Variants in AUTS2 observed in about 807,000 individuals in gnomAD.
AUTS2 encodes the protein autism susceptibility gene 2 protein.
Under a neutral mutation model 112.4 loss-of-function variants are expected in AUTS2, and 17 were observed. The ratio of observed to expected loss-of-function variants is 0.15; its 90% CI spans 0.10 to 0.23. The LOEUF (loss-of-function observed/expected upper bound fraction) is 0.23, where lower values mean the gene tolerates loss of function less well. Among genes scored for constraint, AUTS2 ranks in the 10% least tolerant of loss-of-function variants. AUTS2 has a pLI of 1.00. For synonymous variants in AUTS2, 751 were observed against 702.7 expected, an observed-to-expected ratio of 1.07 and a Z score of -1.09; for missense variants, 1,510 against 1,701.6, an observed-to-expected ratio of 0.89 and a Z score of 1.98.
At chr7:69,964,650 T>C (rs1443734777) in intron 2 of AUTS2, among the ~76,000 whole-genome samples, 1 of 151,982 alleles carries the variant, frequency 6.6e-6, no homozygotes, top group Non-Finnish European at 1.5e-5. Flanking sequence ...CTTTTTGGAA[T>C]CTTTCATTAC....
At chr7:69,923,344 G>A (rs763510457) in intron 2 of AUTS2, among the ~76,000 whole-genome samples, 2 of 152,010 alleles carry the variant, frequency 1.3e-5, no homozygotes, top group Non-Finnish European at 2.9e-5. Flanking sequence ...TGATCTATTT[G>A]TCTATCTTTA....
intron 4 of AUTS2, among the ~76,000 whole-genome samples, chr7:70,164,428 G>C (rs1202014504): frequency 1.3e-5 from 2 of 152,124 alleles, no homozygotes; most frequent in Non-Finnish European, 2.9e-5. Context: ...CTCCTCAGGT[G>C]CCTGTAAGAC....
chr7:69,766,583 C>T (rs1584213800), intron 1 of AUTS2, among the ~76,000 whole-genome samples: 1 of 152,248 alleles, frequency 6.6e-6, no homozygotes, highest in Non-Finnish European at 1.5e-5. Context: ...CGTTTTGGGC[C>T]TTGGTCTCCA....
At chr7:70,286,287 GT>G (rs1362735828) in intron 4 of AUTS2, among the ~76,000 whole-genome samples, 4 of 152,178 alleles carry the variant, frequency 2.6e-5, no homozygotes. Context: ...ATACTGAAGG[GT>G]TAAAGGTTTA....
At chr7:69,714,575 C>G (rs1037734170) in intron 1 of AUTS2, among the ~76,000 whole-genome samples, 1 of 152,024 alleles carries the variant, frequency 6.6e-6, no homozygotes, top group Admixed American at 6.6e-5. Flanking sequence ...GTGTCTGTCC[C>G]TTCCCAAATA....
intron 17 of AUTS2, 45 bp downstream of exon 17, chr7:70,786,083 T>G (rs746390443): frequency 6.6e-7 from 1 of 1,523,046 alleles, no homozygotes; most frequent in Non-Finnish European, 9.1e-7. Context: ...ACTTTTTATC[T>G]CCTGTGATCC....
At chr7:70,079,784 T>C (rs983422591) in intron 2 of AUTS2, among the ~76,000 whole-genome samples, 1 of 152,144 alleles carries the variant, frequency 6.6e-6, no homozygotes, top group Non-Finnish European at 1.5e-5. Flanking sequence ...TCTGTTTTGT[T>C]CTGCTGTAAC....
intron 5 of AUTS2, among the ~76,000 whole-genome samples, chr7:70,494,826 G>T (rs1274096412): frequency 6.6e-6 from 1 of 152,094 alleles, no homozygotes; most frequent in African/African-American, 2.4e-5. Flanking sequence ...AATGTCTCTT[G>T]TTACATTTTT....
At chr7:70,595,199 A>T (rs940781663) in intron 5 of AUTS2, among the ~76,000 whole-genome samples, 4 of 151,988 alleles carry the variant, frequency 2.6e-5, no homozygotes, top group African/African-American at 9.7e-5. Flanking sequence ...ATTTGCAAGG[A>T]TGTCATCCTC....
chr7:70,626,421 T>C (rs1380615320), intron 5 of AUTS2, among the ~76,000 whole-genome samples: 1 of 148,596 alleles, frequency 6.7e-6, no homozygotes, highest in Non-Finnish European at 1.5e-5. Flanking sequence ...TAAGTACTGG[T>C]AGGACTGGAT....
chr7:70,563,276 T>A (rs548827300), intron 5 of AUTS2, among the ~76,000 whole-genome samples: 1 of 152,304 alleles, frequency 6.6e-6, no homozygotes, highest in Admixed American at 6.5e-5. Flanking sequence ...TCTGAAAGTA[T>A]GAAAAATTAA....
intron 2 of AUTS2, among the ~76,000 whole-genome samples, chr7:69,914,330 C>CACACAG (rs1174139250): frequency 2.8e-5 from 4 of 143,270 alleles, no homozygotes; most frequent in Non-Finnish European, 6.0e-5. Context: ...AAAAAGCACA[C>CACACAG]ACACAGACAC....
At chr7:70,696,500 C>T (rs1243182326) in intron 5 of AUTS2, among the ~76,000 whole-genome samples, 2 of 152,148 alleles carry the variant, frequency 1.3e-5, no homozygotes, top group East Asian at 1.9e-4. Context: ...TCTGAATATC[C>T]GGTCAGACTT....
chr7:69,788,270 A>G (rs1789465524), intron 1 of AUTS2, among the ~76,000 whole-genome samples: 2 of 152,110 alleles, frequency 1.3e-5, no homozygotes, highest in Non-Finnish European at 2.9e-5. Flanking sequence ...CTGTCCCTAA[A>G]TAATTGCTTG....
intron 1 of AUTS2, among the ~76,000 whole-genome samples, chr7:69,734,421 A>T (rs979983084): frequency 6.7e-6 from 1 of 148,454 alleles, no homozygotes; most frequent in East Asian, 2.0e-4. Flanking sequence ...TGTATTTTTT[A>T]AAAATCTGCT....
At chr7:70,379,054 T>C (rs1323977672) in intron 4 of AUTS2, among the ~76,000 whole-genome samples, 1 of 152,198 alleles carries the variant, frequency 6.6e-6, no homozygotes, top group Non-Finnish European at 1.5e-5. Flanking sequence ...GCTTTTTTTT[T>C]AAGTTGCTGG....
rs576709571 is a variant in AUTS2, at chr7:70,031,515, G to C, written c.523-86617G>C. Reference sequence around the variant, plus strand: ...TAGTTCAATCAGCCATAAAGAGCTTGAGAAACATTTTCTGCTTTATAAAAA... The same window carrying C: ...TAGTTCAATCAGCCATAAAGAGCTTCAGAAACATTTTCTGCTTTATAAAAA... On this transcript the variant is annotated intron_variant, in intron 2 of 18. Transcript: ENST00000342771. 9.9e-5 allele frequency among the ~76,000 whole-genome samples: 15 copies of C among 152,254 alleles called. No homozygotes were observed. The South Asian group carries it at 2.9e-3, about 29-fold the overall frequency.
intron 10 of AUTS2, 110 bp from the exon 11 acceptor site, chr7:70,771,439 T>G: frequency 2.1e-5 from 17 of 799,830 alleles, no homozygotes; most frequent in Non-Finnish European, 3.4e-5. Context: ...GGCATCAAAC[T>G]GAGATTACGT....
Position 70,619,094 on chromosome 7 carries a change from AG to A in AUTS2, c.691-79473del, listed in dbSNP as rs1053022034. On this transcript the variant is annotated intron_variant, in intron 5 of 18. Transcript: ENST00000342771. ...TAAAGGCCAGATACAGAAAGCCACCAGGCTCTCCCTGGGTCTCCCTTTCCAG... is the reference window on the plus strand; with the variant it reads ...TAAAGGCCAGATACAGAAAGCCACCAGCTCTCCCTGGGTCTCCCTTTCCAG... Among the ~76,000 whole-genome samples, 185 of 152,284 alleles carry A rather than the reference AG, an allele frequency of 1.2e-3. 2 individuals are homozygous for A. The highest frequency in any genetic ancestry group is 4.3e-4 in the Non-Finnish European group (29 of 68,022).
Sources: gnomAD v4.1 joint callset for allele counts (sites outside exome capture counted in the v4.1 genomes callset) on GRCh38, gnomAD v4.1.1 for gene constraint, MANE v1.5 for transcripts, NCBI Gene and HGNC (gene_info 2026-07-23, HGNC 2026-07-21) for gene names.